Variants in PDE4D observed in about 807,000 individuals in gnomAD.
PDE4D encodes 3',5'-cyclic-AMP phosphodiesterase 4D.
A neutral mutation model predicts 87.4 loss-of-function variants in PDE4D; 24 were observed. The observed-to-expected ratio is 0.27, with a 90% confidence interval of 0.20 to 0.39. PDE4D has a LOEUF of 0.39. Ranked by LOEUF, PDE4D falls within the 10% of genes least tolerant of loss-of-function variation. PDE4D has a pLI of 1.00. For missense variants in PDE4D, 714 were observed against 1,041.0 expected (o/e 0.69, Z 4.32); for synonymous variants, 384 against 383.2 (o/e 1.00, Z -0.02).
intron 1 of PDE4D, among the ~76,000 whole-genome samples, chr5:59,319,934 A>ACAAACACC (rs1235283708): frequency 6.6e-6 from 1 of 152,154 alleles, no homozygotes; most frequent in Non-Finnish European, 1.5e-5. Flanking sequence ...AGGAACCAAG[A>ACAAACACC]CAAACACCGA....
intron 6 of PDE4D, among the ~76,000 whole-genome samples, chr5:59,000,442 A>C (rs1052128051): frequency 6.6e-6 from 1 of 152,144 alleles, no homozygotes; most frequent in African/African-American, 2.4e-5. Context: ...CAATACGACT[A>C]ATGTCCAGAA....
intron 5 of PDE4D, among the ~76,000 whole-genome samples, chr5:59,158,289 G>C (rs1268420687): frequency 6.6e-6 from 1 of 152,188 alleles, no homozygotes; most frequent in Non-Finnish European, 1.5e-5. Flanking sequence ...GACAGGAATA[G>C]ACAAATACCC....
intron 1 of PDE4D, among the ~76,000 whole-genome samples, chr5:59,706,270 A>C (rs61358738): frequency 0.014 from 2,090 of 152,170 alleles, 50 homozygotes; most frequent in African/African-American, 0.048. Flanking sequence ...CCCTCAGAAG[A>C]AGCTGTGGCC....
In PDE4D at chr5:60,072,202, T is replaced by G. The variant is rs146664541; in HGVS notation, c.43-83485A>C. Among the ~76,000 whole-genome samples the G allele has an allele frequency of 5.2e-3, 790 of 152,322 alleles. 6 individuals carry two copies. The highest frequency in any genetic ancestry group is 0.018 in the African/African-American group (753 of 41,588). ...TATCTGTTATTTTCTGACTTTTTAA[T>G]AATAGCCATTCTGACTGATGTGAGA... On this transcript the variant is annotated intron_variant, in intron 2 of 16. Coordinates refer to the PDE4D transcript ENST00000502484.
chr5:60,274,083 A>G (rs1751107046), intron 1 of PDE4D, among the ~76,000 whole-genome samples: 1 of 152,186 alleles, frequency 6.6e-6, no homozygotes, highest in Non-Finnish European at 1.5e-5. Flanking sequence ...ATACACTGGA[A>G]TTATTTGTGC....
chr5:59,077,839 G>T (rs1765975512), intron 5 of PDE4D, among the ~76,000 whole-genome samples: 1 of 152,064 alleles, frequency 6.6e-6, no homozygotes, highest in Admixed American at 6.6e-5. Context: ...GATAAAAAGA[G>T]CTAGTCTTTC....
chr5:59,649,221 C>G (rs1188244345), intron 1 of PDE4D, among the ~76,000 whole-genome samples: 7 of 152,200 alleles, frequency 4.6e-5, no homozygotes, highest in Non-Finnish European at 1.0e-4. Flanking sequence ...CAAGATTTTA[C>G]TGCCTTGGTG....
chr5:59,786,534 A>C (rs1561660273), intron 1 of PDE4D, among the ~76,000 whole-genome samples: 1 of 152,226 alleles, frequency 6.6e-6, no homozygotes, highest in Non-Finnish European at 1.5e-5. Flanking sequence ...ATGATGAAGC[A>C]CTTGGAATTG....
In PDE4D at chr5:59,168,836, G is replaced by A. The variant is rs776938249; in HGVS notation, c.808+11759C>T. On this transcript the variant is annotated intron_variant, in intron 5 of 14. Coordinates refer to ENST00000340635, the MANE Select transcript of PDE4D (RefSeq NM_001104631.2). Reference sequence around the variant, plus strand: ...TGACATTCTCCCTCTGAGTCAATCCGTACTTTGTAATTTTCTACCTATGTA... The same window carrying A: ...TGACATTCTCCCTCTGAGTCAATCCATACTTTGTAATTTTCTACCTATGTA... Among the ~76,000 whole-genome samples the A allele has an allele frequency of 1.8e-4, 28 of 152,192 alleles. No individual in the cohort carries two copies. The South Asian group carries it at 2.7e-3, about 15-fold the overall frequency.
At chr5:60,079,169 C>T (rs1582544162) in intron 2 of PDE4D, among the ~76,000 whole-genome samples, 3 of 152,246 alleles carry the variant, frequency 2.0e-5, no homozygotes, top group Non-Finnish European at 4.4e-5. Flanking sequence ...TGTTTGCTGG[C>T]CATGTAAATA....
intron 2 of PDE4D, among the ~76,000 whole-genome samples, chr5:60,069,526 T>C (rs930958986): frequency 4.6e-5 from 7 of 152,172 alleles, no homozygotes; most frequent in African/African-American, 1.4e-4. Flanking sequence ...CTGGATTCTC[T>C]TATGTTCCAT....
intron 1 of PDE4D, among the ~76,000 whole-genome samples, chr5:59,687,079 T>C (rs916490996): frequency 6.6e-6 from 1 of 152,164 alleles, no homozygotes; most frequent in Admixed American, 6.6e-5. Context: ...AAGAATGCTG[T>C]AATTGAAAAA....
chr5:59,126,095 TAA>T (rs72194172), intron 5 of PDE4D, among the ~76,000 whole-genome samples: 1 of 127,868 alleles, frequency 7.8e-6, no homozygotes, highest in African/African-American at 3.0e-5. Flanking sequence ...AGTACAATTG[TAA>T]AAAAAAAAAA....
chr5:59,055,497 C>A (rs1177595110), intron 5 of PDE4D, among the ~76,000 whole-genome samples: 6 of 152,118 alleles, frequency 3.9e-5, no homozygotes, highest in Non-Finnish European at 8.8e-5. Flanking sequence ...TATCTTTTGT[C>A]AGCAAGTTTC....
At chr5:59,522,236 C>A (rs530056693) in intron 1 of PDE4D, among the ~76,000 whole-genome samples, 1 of 152,186 alleles carries the variant, frequency 6.6e-6, no homozygotes, top group East Asian at 1.9e-4. Context: ...CTATAAATAA[C>A]CACATAGAAA....
chr5:60,141,577 T>C (rs1472109165), intron 2 of PDE4D, among the ~76,000 whole-genome samples: 1 of 152,144 alleles, frequency 6.6e-6, no homozygotes, highest in Non-Finnish European at 1.5e-5. Context: ...ACATATGGGC[T>C]AATAACAAGA....
At chr5:59,865,189 A>T (rs1305409384) in intron 1 of PDE4D, among the ~76,000 whole-genome samples, 1 of 152,198 alleles carries the variant, frequency 6.6e-6, no homozygotes, top group Non-Finnish European at 1.5e-5. Context: ...GGCTCTTAAA[A>T]CTTAAGGGAG....
intron 11 of PDE4D, among the ~76,000 whole-genome samples, chr5:58,983,152 G>C (rs1745619444): frequency 6.6e-6 from 1 of 152,240 alleles, no homozygotes; most frequent in Non-Finnish European, 1.5e-5. Context: ...CCATCCTTCA[G>C]AGATGTCCCA....
intron 1 of PDE4D, among the ~76,000 whole-genome samples, chr5:60,288,621 G>T (rs1169354420): frequency 6.6e-6 from 1 of 152,126 alleles, no homozygotes. Context: ...TGTGTAACTG[G>T]ATATTTTATT....
Sources: gnomAD v4.1 joint callset for allele counts (sites outside exome capture counted in the v4.1 genomes callset) on GRCh38, gnomAD v4.1.1 for gene constraint, MANE v1.5 for transcripts, NCBI Gene and HGNC (gene_info 2026-07-23, HGNC 2026-07-21) for gene names.